The following NINJ1 variants were observed in gnomAD, a reference collection of about 807,000 sequenced individuals.
NINJ1 encodes ninjurin-1.
Under a neutral mutation model 12.7 loss-of-function variants are expected in NINJ1, and 6 were observed. The ratio of observed to expected loss-of-function variants is 0.47; its 90% CI spans 0.26 to 0.93. The LOEUF is 0.93. Ranked by LOEUF, NINJ1 falls within the 40% of genes least tolerant of loss-of-function variation. The pLI is 0.15. For missense variants in NINJ1, 170 were observed against 213.0 expected (o/e 0.80, Z 1.26); for synonymous variants, 100 against 96.0 (o/e 1.04, Z -0.25).
chr9:93,123,009 GAC>G (rs1370731797), intron 3 of NINJ1, among the ~76,000 whole-genome samples: 3 of 152,254 alleles, frequency 2.0e-5, no homozygotes, highest in Non-Finnish European at 4.4e-5. Flanking sequence ...GCAGCATCTG[GAC>G]AGTGACTCGG....
chr9:93,126,331 TG>T, intron 2 of NINJ1, 78 bp downstream of exon 2: 1 of 1,264,280 alleles, frequency 7.9e-7, no homozygotes, highest in Non-Finnish European at 1.1e-6. Flanking sequence ...TGCAAGGTGG[TG>T]GGCACCTGTC....
At chr9:93,128,865 A>G (rs539435569) in intron 1 of NINJ1, among the ~76,000 whole-genome samples, 1 of 152,370 alleles carries the variant, frequency 6.6e-6, no homozygotes, top group Admixed American at 6.5e-5. Context: ...ACATGTGCAC[A>G]CAATACGCAC....
intron 2 of NINJ1, 162 bp from the exon 3 acceptor site, chr9:93,125,224 A>G (rs1051676424): frequency 1.5e-6 from 1 of 672,676 alleles, no homozygotes; most frequent in Admixed American, 3.7e-5. Context: ...AGAAAAATAC[A>G]TCTGTTTTGC....
At chr9:93,129,424 CA>C (rs1428924763) in intron 1 of NINJ1, among the ~76,000 whole-genome samples, 1 of 152,200 alleles carries the variant, frequency 6.6e-6, no homozygotes, top group Admixed American at 6.5e-5. Context: ...GAGTGGCCAG[CA>C]AATGCCCTGA....
chr9:93,132,918 T>G (rs1465966773), intron 1 of NINJ1, among the ~76,000 whole-genome samples: 1 of 152,166 alleles, frequency 6.6e-6, no homozygotes, highest in East Asian at 1.9e-4. Context: ...CTGACCTGTT[T>G]ATTACCTGAC....
intron 1 of NINJ1, among the ~76,000 whole-genome samples, chr9:93,129,805 C>G (rs1385317398): frequency 6.6e-6 from 1 of 152,200 alleles, no homozygotes; most frequent in South Asian, 2.1e-4. Context: ...ACATTGGGAG[C>G]ATCATGTGGA....
chr9:93,126,927 A>C (rs11793313), intron 1 of NINJ1, among the ~76,000 whole-genome samples: 146,805 of 152,240 alleles, frequency 0.96, 70,843 homozygotes, highest in African/African-American at 0.99. Flanking sequence ...CGATCCTCCC[A>C]CTCCTGCCAT....
At chr9:93,133,859 C>A (rs550980941) in intron 1 of NINJ1, among the ~76,000 whole-genome samples, 28 of 152,272 alleles carry the variant, frequency 1.8e-4, no homozygotes, top group African/African-American at 6.7e-4. Context: ...TGCGCCGAGG[C>A]CCCCTCCGCC....
intron 3 of NINJ1, among the ~76,000 whole-genome samples, chr9:93,122,555 AAGG>A (rs1459344850): frequency 2.6e-5 from 4 of 152,166 alleles, no homozygotes; most frequent in Non-Finnish European, 5.9e-5. Context: ...CGGACTCAGG[AAGG>A]AGAAGAGCCT....
intron 1 of NINJ1, among the ~76,000 whole-genome samples, chr9:93,130,372 C>G (rs1482689874): frequency 6.6e-6 from 1 of 152,208 alleles, no homozygotes; most frequent in African/African-American, 2.4e-5. Context: ...GGATATGAAC[C>G]AGGCTTGCTG....
Position 93,126,941 on chromosome 9 carries a change from C to A in NINJ1, c.76-303G>T, listed in dbSNP as rs117712316. ...CCGATCCTCCCACTCCTGCCATAGG[C>A]GGGGCTGCTCCTCCCTGCCTGCCCC... On this transcript the variant is annotated intron_variant, in intron 1 of 3. Coordinates refer to ENST00000375446, the MANE Select transcript of NINJ1 (RefSeq NM_004148.4). Among the ~76,000 whole-genome samples, 91 of 152,218 alleles carry A rather than the reference C, an allele frequency of 6.0e-4. 1 individual carries two copies. In the East Asian group the frequency reaches 0.016, roughly 27 times the overall value.
At chr9:93,131,262 T>A (rs1256212489) in intron 1 of NINJ1, among the ~76,000 whole-genome samples, 3 of 152,070 alleles carry the variant, frequency 2.0e-5, no homozygotes, top group Non-Finnish European at 4.4e-5. Flanking sequence ...GAAGGCGGGG[T>A]TCCCACCACA....
chr9:93,124,750 C>T, intron 3 of NINJ1, 149 bp downstream of exon 3: 1 of 815,220 alleles, frequency 1.2e-6, no homozygotes, highest in Admixed American at 3.5e-5. Flanking sequence ...AGGCAGTGGC[C>T]AGGCATTGGC....
intron 3 of NINJ1, among the ~76,000 whole-genome samples, chr9:93,123,059 G>A (rs3829123): frequency 0.93 from 141,436 of 152,278 alleles, 65,811 homozygotes; most frequent in Non-Finnish European, 0.96. Flanking sequence ...GTCCTTTCAG[G>A]AGGGTGACTT....
chr9:93,134,231 A>T lies in NINJ1; in HGVS notation c.-14T>A, dbSNP rs1209208291. On this transcript the variant is annotated 5_prime_UTR_variant, in exon 1 of 4. Coordinates refer to ENST00000375446, the MANE Select transcript of NINJ1 (RefSeq NM_004148.4). Reference sequence around the variant, plus strand: ...TCCCGAGTCCATGGTGCGGCCGCCCAGGCCGCCAGGATCCGGGCCTGAGCG... The same window carrying T: ...TCCCGAGTCCATGGTGCGGCCGCCCTGGCCGCCAGGATCCGGGCCTGAGCG... 3 of 1,467,070 alleles carry T rather than the reference A, an allele frequency of 2.0e-6. No individual in the cohort carries two copies. In the African/African-American group the frequency reaches 4.4e-5, roughly 21 times the overall value. 90.9% of individuals were successfully genotyped at this position (1,467,070 alleles called of 1,614,324 possible).
At chr9:93,133,275 C>T (rs548318244) in intron 1 of NINJ1, among the ~76,000 whole-genome samples, 8 of 152,268 alleles carry the variant, frequency 5.3e-5, no homozygotes, top group Non-Finnish European at 8.8e-5. Flanking sequence ...GGCAGAGTGT[C>T]TTTGCCCCAG....
Position 93,126,402 on chromosome 9 carries a change from G to C in NINJ1, c.304+8C>G. The C allele has an allele frequency of 6.2e-7, 1 of 1,609,490 alleles. No homozygotes were observed. ...AGGTGGCCTGGCTGCCCCCACCTGG[G>C]GACCTACCAAGGAAGATGAGCAGCA... On this transcript the variant is annotated splice_region_variant and intron_variant, in intron 2 of 3. Transcript: ENST00000375446.
rs1456733895 is a variant in NINJ1, at chr9:93,122,121, T to G, written c.*119A>C. 3 of 152,560 alleles carry G rather than the reference T, an allele frequency of 2.0e-5. No individual in the cohort carries two copies. Among genetic ancestry groups the G allele is most frequent in the Non-Finnish European group, 4.4e-5 (3 of 68,294 alleles). The allele number at this position is 152,560 out of a possible 1,614,324, so 9.5% of individuals were successfully genotyped here. On this transcript the variant is annotated 3_prime_UTR_variant, in exon 4 of 4. Coordinates refer to ENST00000375446, the MANE Select transcript of NINJ1 (RefSeq NM_004148.4). Reference sequence around the variant, plus strand: ...GGACATGGTGCAGATGAGGCCAGCCTGGGCTCTGGCAGTCTGGGTAGTGCC... The same window carrying G: ...GGACATGGTGCAGATGAGGCCAGCCGGGGCTCTGGCAGTCTGGGTAGTGCC...
intron 3 of NINJ1, among the ~76,000 whole-genome samples, chr9:93,123,566 G>T (rs1175840912): frequency 1.3e-5 from 2 of 152,200 alleles, no homozygotes; most frequent in African/African-American, 4.8e-5. Flanking sequence ...TTACAGGTGT[G>T]AGCCACCGTG....
Sources: allele counts gnomAD v4.1 joint callset (sites outside exome capture counted in the v4.1 genomes callset), GRCh38; gene constraint gnomAD v4.1.1; transcripts MANE v1.5; gene names NCBI Gene and HGNC (gene_info 2026-07-23, HGNC 2026-07-21).